Variants in DOCK5 observed in about 807,000 individuals in gnomAD.
DOCK5 encodes dedicator of cytokinesis protein 5.
Under a neutral mutation model 251.8 loss-of-function variants are expected in DOCK5, and 142 were observed. That is an observed-to-expected ratio of 0.56 (90% CI 0.49 to 0.65). DOCK5 has a LOEUF of 0.65. DOCK5 is among the 30% of genes least tolerant of loss of function. The probability of loss-of-function intolerance (pLI) is 0.00; values close to 1 mark genes in which losing one functional copy is unlikely to be tolerated. For missense variants in DOCK5, 2,111 were observed against 2,312.3 expected (o/e 0.91, Z 1.79); for synonymous variants, 842 against 835.5 (o/e 1.01, Z -0.13).
intron 25 of DOCK5, 196 bp from the exon 26 acceptor site, chr8:25,345,279 T>A: frequency 4.4e-6 from 2 of 451,936 alleles, no homozygotes; most frequent in Non-Finnish European, 7.7e-6. Flanking sequence ...AATTCATTCA[T>A]CTGCGCATTG....
intron 1 of DOCK5, among the ~76,000 whole-genome samples, chr8:25,196,500 A>G (rs73558407): frequency 0.14 from 21,799 of 152,222 alleles, 2,539 homozygotes; most frequent in African/African-American, 0.33. Context: ...AGAAGAAGAA[A>G]AAGTAATTTA....
At position 25,346,592 on chromosome 8, in the gene DOCK5, G is replaced by A. The variant is rs562948881; in HGVS notation, c.2754+981G>A. Among the ~76,000 whole-genome samples, 398 of 97,910 alleles carry A rather than the reference G, an allele frequency of 4.1e-3. 79 individuals carry two copies. Among genetic ancestry groups the A allele is most frequent in the African/African-American group, 0.016 (380 of 23,980 alleles). The allele number at this position is 97,910 out of a possible 152,430, so 64.2% of individuals were successfully genotyped here. A position where few individuals can be genotyped will look rare whatever the true frequency, so the allele number is the denominator to read the frequency against. On this transcript the variant is annotated intron_variant, in intron 26 of 51. Coordinates refer to ENST00000276440, the MANE Select transcript of DOCK5 (RefSeq NM_024940.8). ...TGTAACCCCAGCACTTTGGGAGGCC[G>A]AGGTGGATGGATCACGAGGTCAGGA...
At chr8:25,341,267 A>C (rs1805948475) in intron 23 of DOCK5, among the ~76,000 whole-genome samples, 1 of 152,214 alleles carries the variant, frequency 6.6e-6, no homozygotes, top group South Asian at 2.1e-4. Context: ...GATTTCAGCA[A>C]ACTGATCCCA....
chr8:25,334,271 C>T (rs968471164), intron 21 of DOCK5, 75 bp downstream of exon 21: 30 of 1,175,694 alleles, frequency 2.6e-5, no homozygotes, highest in East Asian at 7.0e-5. Flanking sequence ...TGTTGAGAAA[C>T]GAGACGGACC....
At chr8:25,233,868 G>T (rs1005340849) in intron 1 of DOCK5, among the ~76,000 whole-genome samples, 1 of 152,172 alleles carries the variant, frequency 6.6e-6, no homozygotes, top group African/African-American at 2.4e-5. Context: ...ATCACATCAG[G>T]TCTGTCACTT....
intron 37 of DOCK5, chr8:25,375,714 A>G: frequency 1.0e-6 from 1 of 984,862 alleles, no homozygotes; most frequent in Non-Finnish European, 1.2e-6. Context: ...GCATTGTCCG[A>G]ACATATGAGT....
rs1801409663 is a variant in DOCK5 at position 25,399,986 on chromosome 8, G to A, written c.4780G>A (p.Ala1594Thr). 1.2e-6 allele frequency: 2 copies of A among 1,613,412 alleles called. No individual in the cohort carries two copies. The highest frequency in any genetic ancestry group is 1.7e-6 in the Non-Finnish European group (2 of 1,179,658). ...GGTTGAGCTGCTAAAGCGACTAATA[G>A]CATTACAGGTACAGGACGGCTTTCC... The part of the protein sequence containing the change: ...EKVELLKRLI[A>T]LQMPLLTEGI... Residue 1594 changes from alanine to threonine, a missense_variant, in exon 46 of 52, where the codon GCA becomes ACA. Coordinates refer to ENST00000276440, the MANE Select transcript of DOCK5 (RefSeq NM_024940.8).
At chr8:25,296,790 G>C in intron 7 of DOCK5, 142 bp downstream of exon 7, 1 of 980,726 alleles carries the variant, frequency 1.0e-6, no homozygotes, top group Non-Finnish European at 1.5e-6. Context: ...TAGCAGAAAG[G>C]ATGAGGCAGG....
intron 1 of DOCK5, among the ~76,000 whole-genome samples, chr8:25,185,352 C>CTGG (rs1801406347): frequency 6.6e-6 from 1 of 152,170 alleles, no homozygotes; most frequent in South Asian, 2.1e-4. Flanking sequence ...GGCACATGGA[C>CTGG]TGGTGCTCAT....
chr8:25,325,823 A>G (rs1805550934), intron 18 of DOCK5, among the ~76,000 whole-genome samples: 1 of 152,170 alleles, frequency 6.6e-6, no homozygotes, highest in African/African-American at 2.4e-5. Flanking sequence ...ATTAACAGCA[A>G]CTGTAAAATT....
chr8:25,236,285 G>A (rs78554471), intron 1 of DOCK5, among the ~76,000 whole-genome samples: 2,548 of 152,240 alleles, frequency 0.017, 83 homozygotes, highest in African/African-American at 0.058. Flanking sequence ...GAGAGGTGGC[G>A]TGATGGTCAT....
intron 28 of DOCK5, 26 bp from the exon 29 acceptor site, chr8:25,363,021 C>T: frequency 6.3e-7 from 1 of 1,595,512 alleles, no homozygotes; most frequent in Non-Finnish European, 8.6e-7. Context: ...CCAGTTTTCC[C>T]CCAACCACTC....
intron 27 of DOCK5, among the ~76,000 whole-genome samples, chr8:25,358,542 C>T (rs530740562): frequency 6.6e-6 from 1 of 152,262 alleles, no homozygotes; most frequent in East Asian, 1.9e-4. Flanking sequence ...CCTTCATGCT[C>T]AGTGTTGCCA....
At chr8:25,323,783 G>A (rs1010173556) in intron 16 of DOCK5, 65 bp from the exon 17 acceptor site, 9 of 1,544,968 alleles carry the variant, frequency 5.8e-6, no homozygotes, top group South Asian at 1.2e-5. Flanking sequence ...ATGTGAAATC[G>A]TGTCATAGCC....
At chr8:25,304,740 T>G (rs1804857322) in intron 11 of DOCK5, 1 of 156,428 alleles carries the variant, frequency 6.4e-6, no homozygotes, top group African/African-American at 2.4e-5. Flanking sequence ...GGGGAACTTG[T>G]TAGGCTGCAG....
At chr8:25,320,220 C>T (rs1805384042) in intron 15 of DOCK5, among the ~76,000 whole-genome samples, 1 of 152,198 alleles carries the variant, frequency 6.6e-6, no homozygotes, top group Non-Finnish European at 1.5e-5. Context: ...GAGTCCACTT[C>T]TTCTGAATCC....
chr8:25,251,709 C>T (rs1342780503), intron 2 of DOCK5, among the ~76,000 whole-genome samples: 1 of 152,140 alleles, frequency 6.6e-6, no homozygotes, highest in East Asian at 1.9e-4. Flanking sequence ...AGAGAGTGGG[C>T]TGGGTGCGGT....
chr8:25,391,654 T>TA (rs1388698438), intron 42 of DOCK5, among the ~76,000 whole-genome samples: 1 of 151,722 alleles, frequency 6.6e-6, no homozygotes, highest in African/African-American at 2.4e-5. Context: ...GATAAATAAA[T>TA]AAAAATAAAT....
At chr8:25,239,079 G>C (rs1802874815) in intron 1 of DOCK5, among the ~76,000 whole-genome samples, 1 of 152,156 alleles carries the variant, frequency 6.6e-6, no homozygotes, top group South Asian at 2.1e-4. Context: ...TTGCATTGTG[G>C]ATGTGAGATT....
Sources: allele counts gnomAD v4.1 joint callset (sites outside exome capture counted in the v4.1 genomes callset), GRCh38; gene constraint gnomAD v4.1.1; transcripts MANE v1.5; gene names NCBI Gene and HGNC (gene_info 2026-07-23, HGNC 2026-07-21).